SCN3A: variants seen among roughly 807,000 people sequenced by gnomAD.
SCN3A encodes the protein sodium channel protein type 3 subunit alpha.
Under a neutral mutation model 187.6 loss-of-function variants are expected in SCN3A, and 60 were observed. That is an observed-to-expected ratio of 0.32 (90% CI 0.26 to 0.40). The LOEUF (loss-of-function observed/expected upper bound fraction) is 0.40, where lower values mean the gene tolerates loss of function less well. SCN3A is among the 10% of genes least tolerant of loss of function. SCN3A has a pLI of 1.00. For missense variants in SCN3A, 1,601 were observed against 2,428.2 expected (o/e 0.66, Z 7.16); for synonymous variants, 788 against 829.2 (o/e 0.95, Z 0.85).
chr2:165,108,447 A>G (rs1368270360), intron 21 of SCN3A, among the ~76,000 whole-genome samples: 1 of 152,192 alleles, frequency 6.6e-6, no homozygotes, highest in Admixed American at 6.5e-5. Context: ...TTCCAAAGCC[A>G]TAATATCAAG....
At chr2:165,176,067 G>C (rs1445670765) in intron 3 of SCN3A, 64 bp downstream of exon 3, 1 of 1,533,084 alleles carries the variant, frequency 6.5e-7, no homozygotes, top group African/African-American at 1.4e-5. Context: ...ATAAGGCCCA[G>C]AAAAGTATAT....
intron 18 of SCN3A, among the ~76,000 whole-genome samples, chr2:165,118,867 A>G (rs183072187): frequency 3.3e-5 from 5 of 152,236 alleles, no homozygotes; most frequent in East Asian, 1.9e-4. Context: ...GGTTCACACA[A>G]TTCTCCTGCC....
chr2:165,104,009 T>C (rs1685732226), intron 21 of SCN3A, among the ~76,000 whole-genome samples: 1 of 152,080 alleles, frequency 6.6e-6, no homozygotes, highest in Non-Finnish European at 1.5e-5. Context: ...TGCAGATATA[T>C]TGTTGTTATC....
Position 165,130,075 on chromosome 2 carries a change from G to A in SCN3A, c.2787C>T (p.Phe929=). The stretch of plus-strand genomic sequence containing the variant: ...GGAACACAATCAGGAAGGAGTGGAA[G>A]AAGTCGTTCATGTGCCACCGTGGGA... ...CTLPRWHMND[F]FHSFLIVFRV... Residue 929 remains phenylalanine (F), a synonymous_variant, in exon 17 of 28, where the codon TTC becomes TTT. Transcript: ENST00000283254. 1.2e-6 allele frequency: 2 copies of A among 1,614,138 alleles called. No individual in the cohort carries two copies. The highest frequency in any genetic ancestry group is 1.7e-6 in the Non-Finnish European group (2 of 1,180,024).
intron 21 of SCN3A, among the ~76,000 whole-genome samples, chr2:165,104,551 G>GAAA (rs562278618): frequency 7.3e-6 from 1 of 136,824 alleles, no homozygotes. Flanking sequence ...CTAAAAAACT[G>GAAA]AAAAAAAAAA....
chr2:165,191,161 A>G (rs866559154), intron 1 of SCN3A, among the ~76,000 whole-genome samples: 5 of 145,794 alleles, frequency 3.4e-5, no homozygotes, highest in Non-Finnish European at 6.0e-5. Context: ...CTTCAGTCTC[A>G]TTTATTTATT....
intron 1 of SCN3A, among the ~76,000 whole-genome samples, chr2:165,202,743 A>G (rs1692398752): frequency 6.6e-6 from 1 of 152,026 alleles, no homozygotes; most frequent in Non-Finnish European, 1.5e-5. Context: ...TTCATTTCAT[A>G]TAGGGCACAC....
chr2:165,113,830 T>G lies in SCN3A; in HGVS notation c.3655A>C (p.Ser1219Arg). ...ETFIVFMILL[S>R]SGALAFEDIY... ...ATTTCACTTACCAATGCACCACTAC[T>G]GAGAAGGATCATGAACACAATGAAA... The change falls in exon 20 of 28, where the codon AGT becomes CGT. Residue 1219 changes from serine (S) to arginine (R), a missense_variant. Ser to Arg is a moderately radical substitution (Grantham distance 110). Transcript: ENST00000283254. 6.2e-7 allele frequency: 1 copy of G among 1,613,962 alleles called. No homozygotes were observed. Among genetic ancestry groups the G allele is most frequent in the Non-Finnish European group, 8.5e-7 (1 of 1,179,894 alleles).
chr2:165,091,405 A>G, intron 27 of SCN3A, 60 bp from the exon 28 acceptor site: 1 of 1,602,302 alleles, frequency 6.2e-7, no homozygotes, highest in Non-Finnish European at 8.5e-7. Flanking sequence ...TGATGGCTTT[A>G]TCTTTTTTAA....
chr2:165,124,932 C>G (rs777789638), intron 18 of SCN3A, among the ~76,000 whole-genome samples: 95 of 152,184 alleles, frequency 6.2e-4, no homozygotes, highest in Admixed American at 2.0e-4. Flanking sequence ...TAAAATACCA[C>G]TTTCCAATTG....
At chr2:165,196,951 G>T (rs1470055257) in intron 1 of SCN3A, among the ~76,000 whole-genome samples, 1 of 152,096 alleles carries the variant, frequency 6.6e-6, no homozygotes, top group African/African-American at 2.4e-5. Context: ...ATAAATCAGT[G>T]AGTGAATGTA....
At position 165,140,813 on chromosome 2, in the gene SCN3A, C is replaced by T. The variant is rs775176928; in HGVS notation, c.1857G>A (p.Glu619=). The T allele has an allele frequency of 6.2e-7, 1 of 1,614,172 alleles. No individual in the cohort carries two copies. The highest frequency in any genetic ancestry group is 8.5e-7 in the Non-Finnish European group (1 of 1,180,026). The change falls in exon 13 of 28, where the codon GAG becomes GAA. Residue 619 remains glutamate (E), a synonymous_variant. Coordinates refer to ENST00000283254, the MANE Select transcript of SCN3A (RefSeq NM_006922.4). The surrounding 1 kb of genome is among the most constrained non-coding windows in gnomAD (Gnocchi z 4.2). ...DSLFVPHRHG[E]RRNSNVSQAS... ...CCTGACTAACGTTACTGTTGCGTCG[C>T]TCTCCATGTCTGTGCGGCACAAACA...
rs1685032072 is a variant in SCN3A, at chr2:165,090,437, TAGCGGCAGAC to T, written c.5706_5715del (p.Ala1904PhefsTer10). The T allele has an allele frequency of 6.2e-7, 1 of 1,613,796 alleles. No homozygotes were observed. The highest frequency in any genetic ancestry group is 8.5e-7 in the Non-Finnish European group (1 of 1,179,832). On this transcript the variant is annotated frameshift_variant, in exon 28 of 28. Coordinates refer to ENST00000283254, the MANE Select transcript of SCN3A (RefSeq NM_006922.4). LOFTEE classifies it high-confidence loss of function. The surrounding 1 kb of genome is among the most constrained non-coding windows in gnomAD (Gnocchi z 4.0). Reference sequence around the variant, plus strand: ...TAACATCTGAAATTACGCTGAATGATAGCGGCAGACACCTCCTCTTGTTTACGTTTCAAAG... The same window carrying T: ...TAACATCTGAAATTACGCTGAATGATACCTCCTCTTGTTTACGTTTCAAAG...
At chr2:165,136,658 GC>G (rs921667306) in intron 15 of SCN3A, among the ~76,000 whole-genome samples, 2 of 152,210 alleles carry the variant, frequency 1.3e-5, no homozygotes, top group African/African-American at 2.4e-5. Context: ...ACTTGAAGCA[GC>G]CTTTTTGGGT....
chr2:165,163,783 T>C lies in SCN3A; in HGVS notation c.603-74A>G, dbSNP rs182664945. 4.1e-4 allele frequency: 668 copies of C among 1,613,578 alleles called. 4 individuals are homozygous for C. The African/African-American group carries it at 7.7e-3, about 19-fold the overall frequency. On this transcript the variant is annotated intron_variant, in intron 6 of 27. Transcript: ENST00000283254. ...TGGAGATATAAGGGGCCTACTACCT[T>C]ACACCAGTTTCTTCTTACCTGGAAT...
chr2:165,159,034 C>T (rs1559244749), intron 9 of SCN3A, among the ~76,000 whole-genome samples: 1 of 137,932 alleles, frequency 7.2e-6, no homozygotes, highest in African/African-American at 2.9e-5. Flanking sequence ...TCTTCCAAGG[C>T]GGTTGTCTAG....
chr2:165,091,242 T>C lies in SCN3A; in HGVS notation c.4911A>G (p.Gly1637=), dbSNP rs755605071. The change falls in exon 28 of 28, where the codon GGA becomes GGG. Residue 1637 remains glycine, a synonymous_variant. Transcript: ENST00000283254. ...RIGRILRLIK[G]AKGIRTLLFA... ...AGAGCAGCGTGCGGATCCCCTTTGC[T>C]CCTTTGATCAGACGTAGGATTCGGC... is the stretch of plus-strand genomic sequence containing the variant. The C allele has an allele frequency of 6.2e-7, 1 of 1,613,986 alleles. No homozygotes were observed. Among genetic ancestry groups the C allele is most frequent in the Non-Finnish European group, 8.5e-7 (1 of 1,179,928 alleles).
At position 165,095,726 on chromosome 2, in the gene SCN3A, T is replaced by C. The variant is rs1329859572; in HGVS notation, c.4294-78A>G. The C allele has an allele frequency of 3.5e-6, 3 of 853,724 alleles. No homozygotes were observed. The Admixed American group carries it at 6.4e-5, about 18-fold the overall frequency. 52.9% of individuals were successfully genotyped at this position (853,724 alleles called of 1,614,324 possible). The stretch of plus-strand genomic sequence containing the variant: ...ACTAAATCAGTAATTTATTGAGTGC[T>C]GTTACTTAATACAGTGCTACTTTTG... On this transcript the variant is annotated intron_variant, in intron 24 of 27. Coordinates refer to ENST00000283254, the MANE Select transcript of SCN3A (RefSeq NM_006922.4).
At chr2:165,151,237 A>G (rs1323967990) in intron 11 of SCN3A, among the ~76,000 whole-genome samples, 1 of 152,190 alleles carries the variant, frequency 6.6e-6, no homozygotes, top group Non-Finnish European at 1.5e-5. Context: ...ATGCCTTGAG[A>G]AAGGACCTAA....
Sources: gnomAD v4.1 joint callset for allele counts (sites outside exome capture counted in the v4.1 genomes callset) on GRCh38, gnomAD v4.1.1 for gene constraint, Gnocchi (gnomAD v3.1) non-coding constraint, MANE v1.5 for transcripts, NCBI Gene and HGNC (gene_info 2026-07-23, HGNC 2026-07-21) for gene names.